SUB1: variants seen among roughly 807,000 people sequenced by gnomAD.
SUB1 encodes the protein activated RNA polymerase II transcriptional coactivator p15.
Under a neutral mutation model 16.9 loss-of-function variants are expected in SUB1, and 1 was observed. The ratio of observed to expected loss-of-function variants is 0.06; its 90% CI spans 0.02 to 0.28. The LOEUF is 0.28. Ranked by LOEUF, SUB1 falls within the 10% of genes least tolerant of loss-of-function variation. The pLI is 1.00. For missense variants in SUB1, 84 were observed against 145.2 expected (o/e 0.58, Z 2.16); for synonymous variants, 51 against 46.9 (o/e 1.09, Z -0.36).
chr5:32,591,254 A>ATT, intron 2 of SUB1: 2 of 192,900 alleles, frequency 1.0e-5, no homozygotes, highest in Non-Finnish European at 2.1e-5. Context: ...AGATCCCTCC[A>ATT]TTTTTTTTTC....
At chr5:32,598,673 C>CA (rs1412054849) in intron 3 of SUB1, 3 of 233,506 alleles carry the variant, frequency 1.3e-5, no homozygotes, top group Non-Finnish European at 2.5e-5. Flanking sequence ...GCATTCATGA[C>CA]ATACCTAACT....
At chr5:32,593,019 A>AT (rs1020060693) in intron 3 of SUB1, among the ~76,000 whole-genome samples, 6 of 150,306 alleles carry the variant, frequency 4.0e-5, no homozygotes, top group Middle Eastern at 3.5e-3. Flanking sequence ...CGAGACTACA[A>AT]TTTTTTTTTT....
intron 3 of SUB1, chr5:32,598,056 T>TTCTTTA (rs145794315): frequency 1.3e-5 from 2 of 149,806 alleles, no homozygotes; most frequent in Non-Finnish European, 3.0e-5. Context: ...GCAATTCAAC[T>TTCTTTA]TTTTTATTTT....
At chr5:32,590,318 A>G (rs549198185) in intron 2 of SUB1, among the ~76,000 whole-genome samples, 11 of 152,074 alleles carry the variant, frequency 7.2e-5, no homozygotes, top group Non-Finnish European at 1.3e-4. Context: ...TATTTATACT[A>G]TTCCATCAAG....
chr5:32,595,819 CTT>C (rs1161883490), intron 3 of SUB1: 1 of 152,252 alleles, frequency 6.6e-6, no homozygotes, highest in Non-Finnish European at 1.5e-5. Flanking sequence ...TATTGTCAGT[CTT>C]TTAAGTTTTT....
intron 2 of SUB1, 200 bp from the exon 3 acceptor site, chr5:32,591,363 C>A: frequency 1.6e-6 from 1 of 607,482 alleles, no homozygotes; most frequent in Non-Finnish European, 2.4e-6. Context: ...ATCCTGAGAA[C>A]AGAGTTTGAA....
At chr5:32,598,091 T>C (rs1739023752) in intron 3 of SUB1, 1 of 152,216 alleles carries the variant, frequency 6.6e-6, no homozygotes, top group Non-Finnish European at 1.5e-5. Flanking sequence ...TTTTTTTGCA[T>C]TTTAAAATTA....
At position 32,602,054 on chromosome 5, in the gene SUB1, T is replaced by C. The variant is rs183431569; in HGVS notation, c.*970T>C. ...GTTATAGTAGGTAATATGGTTAGTT[T>C]GTAGGGAAAAGAGCATATGAGCACA... On this transcript the variant is annotated 3_prime_UTR_variant, in exon 5 of 5. Coordinates refer to ENST00000265073, the MANE Select transcript of SUB1 (RefSeq NM_006713.4). The C allele has an allele frequency of 1.8e-4, 47 of 266,188 alleles. No individual in the cohort carries two copies. Among genetic ancestry groups the C allele is most frequent in the African/African-American group, 8.9e-4 (40 of 44,744 alleles). The allele number at this position is 266,188 out of a possible 1,614,324, so 16.5% of individuals were successfully genotyped here. A position where few individuals can be genotyped will look rare whatever the true frequency, so the allele number is the denominator to read the frequency against.
rs1165049527 is a variant in SUB1 at position 32,602,741 on chromosome 5, A to T, written c.*1657A>T. On this transcript the variant is annotated 3_prime_UTR_variant, in exon 5 of 5. Coordinates refer to ENST00000265073, the MANE Select transcript of SUB1 (RefSeq NM_006713.4). ...TCTCTTGTAATTTAGCCTTCATCGA[A>T]TAATAGGTACCAGTGTATTAAAAAT... 1 of 154,512 alleles carries T rather than the reference A, an allele frequency of 6.5e-6. No homozygotes were observed. The allele number at this position is 154,512 out of a possible 1,614,324, so 9.6% of individuals were successfully genotyped here.
intron 1 of SUB1, among the ~76,000 whole-genome samples, chr5:32,587,416 T>TGTA (rs1738701072): frequency 6.6e-6 from 1 of 152,184 alleles, no homozygotes; most frequent in Admixed American, 6.5e-5. Context: ...AACACCCACT[T>TGTA]GTAAGCAAGG....
At chr5:32,590,401 A>G (rs1351405858) in intron 2 of SUB1, among the ~76,000 whole-genome samples, 1 of 151,884 alleles carries the variant, frequency 6.6e-6, no homozygotes, top group Non-Finnish European at 1.5e-5. Flanking sequence ...CTTTTTGAGA[A>G]TGCGACTTTC....
intron 3 of SUB1, among the ~76,000 whole-genome samples, chr5:32,593,668 G>T (rs922659960): frequency 6.6e-5 from 10 of 151,842 alleles, no homozygotes; most frequent in African/African-American, 2.2e-4. Flanking sequence ...TTGAAAGCCT[G>T]CCTCTAGGAG....
Position 32,588,559 on chromosome 5 carries a change from A to G in SUB1, c.47A>G (p.Asp16Gly). The G allele has an allele frequency of 6.2e-7, 1 of 1,613,376 alleles. No individual in the cohort carries two copies. The highest frequency in any genetic ancestry group is 2.2e-5 in the East Asian group (1 of 44,882). ...GTTTCTTCAAGCTCTTCTGGCAGTG[A>G]TTCTGACAGTGAGGTTGACAAAAAG... ...ELVSSSSSGSDSDSEVDKKLK... is the reference protein window; with the variant it reads ...ELVSSSSSGSGSDSEVDKKLK... Residue 16 changes from aspartate to glycine, a missense_variant, in exon 2 of 5, where the codon GAT becomes GGT. This residue lies in a region of SUB1 where 60 missense variants were observed against 64.9 expected (regional missense o/e 0.92). Coordinates refer to ENST00000265073, the MANE Select transcript of SUB1 (RefSeq NM_006713.4).
At chr5:32,596,504 A>C (rs1318415022) in intron 3 of SUB1, 2 of 151,886 alleles carry the variant, frequency 1.3e-5, no homozygotes, top group East Asian at 3.9e-4. Flanking sequence ...TTTTTCCTAG[A>C]AGTTTTATAG....
chr5:32,603,374 T>A lies in SUB1; in HGVS notation c.*2290T>A, dbSNP rs775635236. 5 of 152,200 alleles carry A rather than the reference T, an allele frequency of 3.3e-5. No homozygotes were observed. Among genetic ancestry groups the A allele is most frequent in the Non-Finnish European group, 7.4e-5 (5 of 67,998 alleles). 9.4% of individuals were successfully genotyped at this position (152,200 alleles called of 1,614,324 possible). A position where few individuals can be genotyped will look rare whatever the true frequency, so the allele number is the denominator to read the frequency against. On this transcript the variant is annotated 3_prime_UTR_variant, in exon 5 of 5. Coordinates refer to ENST00000265073, the MANE Select transcript of SUB1 (RefSeq NM_006713.4). ...CTTGGCATTTTTAGGCGTAGATACCTTACCTTACAATGCCAAAATGAATTT... is the reference window on the plus strand; with the variant it reads ...CTTGGCATTTTTAGGCGTAGATACCATACCTTACAATGCCAAAATGAATTT...
intron 3 of SUB1, among the ~76,000 whole-genome samples, chr5:32,593,681 A>T (rs374878294): frequency 1.3e-5 from 2 of 151,898 alleles, no homozygotes; most frequent in African/African-American, 4.8e-5. Flanking sequence ...TCTAGGAGGA[A>T]CATAGGTCAT....
At chr5:32,600,897 G>T (rs768855717) in intron 4 of SUB1, 108 bp from the exon 5 acceptor site, 1 of 977,020 alleles carries the variant, frequency 1.0e-6, no homozygotes, top group African/African-American at 1.6e-5. Flanking sequence ...GAGCCACCGC[G>T]CCCAGCCTAA....
chr5:32,598,874 C>A, intron 3 of SUB1, 87 bp from the exon 4 acceptor site: 1 of 976,864 alleles, frequency 1.0e-6, no homozygotes, highest in Non-Finnish European at 1.6e-6. Context: ...GTAGAGTGAG[C>A]ATGCAGCAAG....
intron 1 of SUB1, 93 bp from the exon 2 acceptor site, chr5:32,588,419 T>C: frequency 8.9e-7 from 1 of 1,128,316 alleles, no homozygotes; most frequent in South Asian, 1.5e-5. Context: ...ACCGTGGAAC[T>C]TGTCCTTGAT....
Sources: gnomAD v4.1 joint callset for allele counts (sites outside exome capture counted in the v4.1 genomes callset) on GRCh38, gnomAD v4.1.1 for gene constraint, gnomAD v4.1.1 regional missense constraint, MANE v1.5 for transcripts, NCBI Gene and HGNC (gene_info 2026-07-23, HGNC 2026-07-21) for gene names.